TNS3: variants seen among roughly 807,000 people sequenced by gnomAD.
TNS3 encodes tensin 3, also known as tensin-3.
Under a neutral mutation model 140.9 loss-of-function variants are expected in TNS3, and 45 were observed. That is an observed-to-expected ratio of 0.32 (90% CI 0.25 to 0.41). TNS3 has a LOEUF of 0.41. Among genes scored for constraint, TNS3 ranks in the 10% least tolerant of loss-of-function variants. TNS3 has a pLI of 1.00. For missense variants in TNS3, 1,716 were observed against 1,906.7 expected (o/e 0.90, Z 1.86); for synonymous variants, 815 against 788.4 (o/e 1.03, Z -0.56).
Position 47,344,737 on chromosome 7 carries a change from C to A in TNS3, c.2650+18G>T, listed in dbSNP as rs767930837. 1.2e-6 allele frequency: 2 copies of A among 1,608,138 alleles called. No individual in the cohort carries two copies. Among genetic ancestry groups the A allele is most frequent in the Non-Finnish European group, 1.7e-6 (2 of 1,177,392 alleles). ...GCCTGAGTGCCGCGCGCCTGTGACC[C>A]GCGGGTAGATTTCTTACCACGTCCT... is the stretch of plus-strand genomic sequence containing the variant. On this transcript the variant is annotated intron_variant, in intron 20 of 30. Transcript: ENST00000311160.
chr7:47,524,094 G>A lies in TNS3; in HGVS notation c.-153+4942C>T, dbSNP rs559787746. Among the ~76,000 whole-genome samples the A allele has an allele frequency of 2.6e-5, 4 of 152,182 alleles. No individual in the cohort carries two copies. In the East Asian group the frequency reaches 5.8e-4, roughly 22 times the overall value. On this transcript the variant is annotated intron_variant, in intron 2 of 30. Transcript: ENST00000311160. ...CTCTTTGGGGAGAAGCTGAACCAGC[G>A]CCCTCTGAGAGGCGGCACATCCAGG...
chr7:47,427,720 T>C (rs745376311), intron 9 of TNS3, among the ~76,000 whole-genome samples: 40 of 152,162 alleles, frequency 2.6e-4, no homozygotes, highest in Non-Finnish European at 3.8e-4. Context: ...TTCCATCTCA[T>C]GGAAACCAGC....
chr7:47,412,238 T>G (rs1209527344), intron 12 of TNS3, among the ~76,000 whole-genome samples: 3 of 152,224 alleles, frequency 2.0e-5, no homozygotes, highest in Non-Finnish European at 4.4e-5. Context: ...CTTTACTGAC[T>G]TTTCATAAAA....
chr7:47,509,705 G>A lies in TNS3; in HGVS notation c.-152-2761C>T, dbSNP rs149665182. 3.5e-3 allele frequency among the ~76,000 whole-genome samples: 537 copies of A among 151,934 alleles called. 5 individuals carry two copies. Among genetic ancestry groups the A allele is most frequent in the African/African-American group, 0.012 (508 of 41,432 alleles). The stretch of plus-strand genomic sequence containing the variant: ...GCCCACAGGAGACAGCCCCCTGCCT[G>A]CCCTACCCCTGCCTGCCCTAACCCT... On this transcript the variant is annotated intron_variant, in intron 2 of 30. Transcript: ENST00000311160.
In TNS3 at chr7:47,407,318, G is replaced by A. The variant is rs1381722141; in HGVS notation, c.723+4409C>T. ...CTCTCCCACCTAACCTTTAGCTCTT[G>A]CCGCCGCGCACCTTCTGCCATGCTC... On this transcript the variant is annotated intron_variant, in intron 13 of 30. Coordinates refer to ENST00000311160, the MANE Select transcript of TNS3 (RefSeq NM_022748.12). The surrounding 1 kb of genome is among the most constrained non-coding windows in gnomAD (Gnocchi z 4.1). 3.3e-5 allele frequency among the ~76,000 whole-genome samples: 5 copies of A among 152,148 alleles called. No homozygotes were observed. Among genetic ancestry groups the A allele is most frequent in the Non-Finnish European group, 7.4e-5 (5 of 68,016 alleles).
At chr7:47,452,568 G>A (rs1796063501) in intron 4 of TNS3, among the ~76,000 whole-genome samples, 1 of 152,304 alleles carries the variant, frequency 6.6e-6, no homozygotes, top group East Asian at 1.9e-4. Context: ...TCCCTGGCCA[G>A]GAGCTCAGGC....
intron 5 of TNS3, among the ~76,000 whole-genome samples, chr7:47,441,228 G>C (rs1362994336): frequency 2.6e-5 from 4 of 152,072 alleles, no homozygotes; most frequent in Non-Finnish European, 5.9e-5. Context: ...CGCCAGGCTG[G>C]AATGCAGTGG....
intron 20 of TNS3, among the ~76,000 whole-genome samples, chr7:47,337,201 C>T (rs1218879914): frequency 6.6e-6 from 1 of 152,224 alleles, no homozygotes; most frequent in African/African-American, 2.4e-5. Flanking sequence ...GGTCATAAAT[C>T]TCCAGCTGTC....
chr7:47,555,500 T>C (rs1800172809), intron 1 of TNS3, among the ~76,000 whole-genome samples: 1 of 152,194 alleles, frequency 6.6e-6, no homozygotes, highest in Non-Finnish European at 1.5e-5. Context: ...TGAAAAAAGT[T>C]CTACCGTGGA....
At chr7:47,389,090 G>GCGGA (rs1562675376) in intron 16 of TNS3, among the ~76,000 whole-genome samples, 2 of 78,728 alleles carry the variant, frequency 2.5e-5, no homozygotes, top group African/African-American at 1.1e-4. Flanking sequence ...AGAAGAGGAA[G>GCGGA]AGGAAGAGGA....
chr7:47,524,107 C>T (rs929542763), intron 2 of TNS3, among the ~76,000 whole-genome samples: 2 of 152,198 alleles, frequency 1.3e-5, no homozygotes, highest in African/African-American at 4.8e-5. Flanking sequence ...CTCTGAGAGG[C>T]GGCACATCCA....
intron 16 of TNS3, among the ~76,000 whole-genome samples, chr7:47,373,779 T>C (rs1293821332): frequency 1.3e-5 from 2 of 152,200 alleles, no homozygotes; most frequent in African/African-American, 4.8e-5. Flanking sequence ...GAATATTGAG[T>C]GACAGGCTAA....
chr7:47,510,925 T>C (rs1798584954), intron 2 of TNS3, among the ~76,000 whole-genome samples: 1 of 152,076 alleles, frequency 6.6e-6, no homozygotes, highest in South Asian at 2.1e-4. Flanking sequence ...AGGACATTTC[T>C]GTTAAAATCA....
intron 3 of TNS3, among the ~76,000 whole-genome samples, chr7:47,499,171 G>A (rs781046568): frequency 2.6e-5 from 4 of 152,230 alleles, no homozygotes; most frequent in Non-Finnish European, 5.9e-5. Flanking sequence ...GGTGGCCTTG[G>A]CTGATGGGAT....
chr7:47,522,940 A>T (rs1381430879), intron 2 of TNS3, among the ~76,000 whole-genome samples: 2 of 152,032 alleles, frequency 1.3e-5, no homozygotes, highest in African/African-American at 4.8e-5. Context: ...AAAAAAAAAG[A>T]GTTTCTATTG....
At chr7:47,541,147 T>G (rs1487117643) in intron 1 of TNS3, among the ~76,000 whole-genome samples, 1 of 152,102 alleles carries the variant, frequency 6.6e-6, no homozygotes, top group African/African-American at 2.4e-5. Flanking sequence ...AGATTGGTCA[T>G]GCACAGGATG....
chr7:47,329,009 T>C (rs545140144), intron 20 of TNS3, among the ~76,000 whole-genome samples: 15 of 152,310 alleles, frequency 9.8e-5, no homozygotes, highest in Middle Eastern at 3.4e-3. Context: ...AAAACTCCTA[T>C]ACATTCTACA....
chr7:47,544,040 C>T (rs1490155079), intron 1 of TNS3, among the ~76,000 whole-genome samples: 2 of 152,228 alleles, frequency 1.3e-5, no homozygotes, highest in Non-Finnish European at 2.9e-5. Flanking sequence ...CCAGTGGGTG[C>T]TTCTTCCCTC....
chr7:47,496,694 G>A (rs1439783880), intron 3 of TNS3, among the ~76,000 whole-genome samples: 3 of 152,196 alleles, frequency 2.0e-5, no homozygotes, highest in Non-Finnish European at 4.4e-5. Flanking sequence ...AGAGGCGGAG[G>A]GCTGGGGATG....
Sources: gnomAD v4.1 joint callset for allele counts (sites outside exome capture counted in the v4.1 genomes callset) on GRCh38, gnomAD v4.1.1 for gene constraint, Gnocchi (gnomAD v3.1) non-coding constraint, MANE v1.5 for transcripts, NCBI Gene and HGNC (gene_info 2026-07-23, HGNC 2026-07-21) for gene names.